Variants in FLRT1 observed in about 807,000 individuals in gnomAD.
FLRT1 encodes the protein fibronectin leucine rich transmembrane protein 1.
FLRT1 carries 14 observed loss-of-function variants against 30.9 expected under a neutral mutation model. That is an observed-to-expected ratio of 0.45 (90% CI 0.30 to 0.71). The LOEUF is 0.71. FLRT1 is among the 30% of genes least tolerant of loss of function. The probability of loss-of-function intolerance (pLI) is 0.08; values close to 1 mark genes in which losing one functional copy is unlikely to be tolerated. For synonymous variants in FLRT1, 368 were observed against 430.4 expected (o/e 0.85, Z 1.80); for missense variants, 737 against 949.2 (o/e 0.78, Z 2.94).
intron 2 of FLRT1, among the ~76,000 whole-genome samples, chr11:64,110,996 G>A (rs1253861197): frequency 1.3e-5 from 2 of 152,200 alleles, no homozygotes; most frequent in African/African-American, 4.8e-5. Flanking sequence ...AGATGGATGA[G>A]GCCCACAGAC....
intron 2 of FLRT1, among the ~76,000 whole-genome samples, chr11:64,105,376 A>T (rs1944743048): frequency 6.6e-6 from 1 of 152,202 alleles, no homozygotes; most frequent in South Asian, 2.1e-4. Flanking sequence ...GGCTCTGTGC[A>T]AAGGGAGGCA....
intron 2 of FLRT1, among the ~76,000 whole-genome samples, chr11:64,113,708 C>T (rs1298199519): frequency 7.6e-6 from 1 of 130,888 alleles, no homozygotes; most frequent in African/African-American, 3.0e-5. Context: ...GATGGACGGA[C>T]AGGTGGATGC....
intron 1 of FLRT1, among the ~76,000 whole-genome samples, chr11:64,056,049 G>A (rs1565212106): frequency 6.6e-6 from 1 of 152,226 alleles, no homozygotes; most frequent in Non-Finnish European, 1.5e-5. Flanking sequence ...CTCCCTGTGG[G>A]CCAGGGTTGG....
intron 1 of FLRT1, among the ~76,000 whole-genome samples, chr11:64,048,857 T>C (rs1269463494): frequency 6.6e-6 from 1 of 152,172 alleles, no homozygotes; most frequent in Non-Finnish European, 1.5e-5. Flanking sequence ...ACCAGGGCCA[T>C]CCCATGGTGC....
At chr11:64,056,519 G>A (rs1565212308) in intron 1 of FLRT1, among the ~76,000 whole-genome samples, 1 of 152,246 alleles carries the variant, frequency 6.6e-6, no homozygotes, top group Non-Finnish European at 1.5e-5. Flanking sequence ...GACGGAGCCT[G>A]GGTCTCCATC....
Position 64,117,395 on chromosome 11 carries a change from C to A in FLRT1, c.1128C>A (p.Asp376Glu), listed in dbSNP as rs267603093. Residue 376 changes from aspartate to glutamate, a missense_variant, in exon 3 of 3, where the codon GAC becomes GAA. Physicochemically the swap from Asp to Glu is conservative, Grantham distance 45. Coordinates refer to ENST00000682287, the MANE Select transcript of FLRT1 (RefSeq NM_013280.5). ...MAIKDITSEM[D>E]ECFETGPQGG... ...TCAAGGACATTACCAGCGAGATGGACGAGTGTTTTGAGACGGGGCCGCAGG... is the reference window on the plus strand; with the variant it reads ...TCAAGGACATTACCAGCGAGATGGAAGAGTGTTTTGAGACGGGGCCGCAGG... 6.2e-7 allele frequency: 1 copy of A among 1,612,078 alleles called. No homozygotes were observed. The highest frequency in any genetic ancestry group is 8.5e-7 in the Non-Finnish European group (1 of 1,178,398).
At chr11:64,092,233 GTCTT>G (rs1301280790) in intron 1 of FLRT1, among the ~76,000 whole-genome samples, 1 of 152,218 alleles carries the variant, frequency 6.6e-6, no homozygotes, top group Non-Finnish European at 1.5e-5. Flanking sequence ...CCCTGTTCTT[GTCTT>G]TCTGTCTGCC....
rs373211331 is a variant in FLRT1 at position 64,117,234 on chromosome 11, C to G, written c.967C>G (p.Leu323Val). Residue 323 changes from leucine to valine, a missense_variant, in exon 3 of 3, where the codon CTG becomes GTG. Physicochemically the swap from Leu to Val is conservative, Grantham distance 32. Coordinates refer to ENST00000682287, the MANE Select transcript of FLRT1 (RefSeq NM_013280.5). ...LFDDLGNLAQ[L>V]LLRNNPWFCG... ...CGACGACCTGGGGAACCTGGCCCAGCTGCTGCTCAGGAACAACCCTTGGTT... is the reference window on the plus strand; with the variant it reads ...CGACGACCTGGGGAACCTGGCCCAGGTGCTGCTCAGGAACAACCCTTGGTT... The G allele has an allele frequency of 4.3e-6, 7 of 1,614,092 alleles. No homozygotes were observed. The highest frequency in any genetic ancestry group is 4.0e-5 in the African/African-American group (3 of 74,954).
chr11:64,108,758 A>C (rs1944808505), intron 2 of FLRT1, among the ~76,000 whole-genome samples: 1 of 152,232 alleles, frequency 6.6e-6, no homozygotes, highest in Non-Finnish European at 1.5e-5. Flanking sequence ...TAGGGGAGAC[A>C]CATGAATTAT....
At position 64,049,370 on chromosome 11, in the gene FLRT1, G is replaced by A. The variant is rs190133277; in HGVS notation, c.-1038+13211G>A. ...CTGTGCTGTTCACAGCGGTGCCCAC[G>A]GCCAGTCCTGGGCAGGGAGGTCAGC... On this transcript the variant is annotated intron_variant, in intron 1 of 2. Coordinates refer to ENST00000682287, the MANE Select transcript of FLRT1 (RefSeq NM_013280.5). Among the ~76,000 whole-genome samples the A allele has an allele frequency of 2.6e-3, 402 of 152,294 alleles. 5 individuals are homozygous for A. Among genetic ancestry groups the A allele is most frequent in the Non-Finnish European group, 9.1e-4 (62 of 68,004 alleles).
Position 64,067,923 on chromosome 11 carries a change from G to A in FLRT1, c.-1038+31764G>A, listed in dbSNP as rs1004846835. 6.6e-5 allele frequency among the ~76,000 whole-genome samples: 10 copies of A among 152,072 alleles called. No individual in the cohort carries two copies. The highest frequency in any genetic ancestry group is 8.8e-5 in the Non-Finnish European group (6 of 68,012). ...GCTCGGCTTTTAGGAGGGGGCTGGC[G>A]GTGAACCCATCCCCGTTACAATGCA... On this transcript the variant is annotated intron_variant, in intron 1 of 2. Coordinates refer to ENST00000682287, the MANE Select transcript of FLRT1 (RefSeq NM_013280.5). This position sits in a 1 kb window ranked among gnomAD's most constrained non-coding sequence, Gnocchi z 4.6.
At position 64,051,479 on chromosome 11, in the gene FLRT1, G is replaced by A. The variant is rs1034521960; in HGVS notation, c.-1038+15320G>A. ...TGATTGAGTCTCATTGTTGTGGGGC[G>A]GGGGCACCCTCTCGGAAGCCTCGCT... On this transcript the variant is annotated intron_variant, in intron 1 of 2. Coordinates refer to ENST00000682287, the MANE Select transcript of FLRT1 (RefSeq NM_013280.5). 2.6e-5 allele frequency among the ~76,000 whole-genome samples: 4 copies of A among 152,310 alleles called. No homozygotes were observed. The South Asian group carries it at 6.2e-4, about 24-fold the overall frequency.
intron 1 of FLRT1, among the ~76,000 whole-genome samples, chr11:64,076,627 C>T (rs777625015): frequency 1.3e-5 from 2 of 152,160 alleles, no homozygotes; most frequent in Non-Finnish European, 2.9e-5. Flanking sequence ...TCTCCATTTT[C>T]CAGAGGAGGA....
chr11:64,077,670 C>T (rs1255791782), intron 1 of FLRT1, among the ~76,000 whole-genome samples: 2 of 152,202 alleles, frequency 1.3e-5, no homozygotes, highest in Non-Finnish European at 2.9e-5. Context: ...CACACCCCCA[C>T]CTGCCGTGCC....
intron 1 of FLRT1, among the ~76,000 whole-genome samples, chr11:64,065,010 G>A (rs1168792789): frequency 6.6e-6 from 1 of 152,202 alleles, no homozygotes; most frequent in Non-Finnish European, 1.5e-5. Flanking sequence ...CAAGCCAGAG[G>A]CGGGCAATGC....
intron 1 of FLRT1, among the ~76,000 whole-genome samples, chr11:64,095,484 C>G (rs965407149): frequency 6.6e-6 from 1 of 152,204 alleles, no homozygotes; most frequent in Non-Finnish European, 1.5e-5. Flanking sequence ...CAGGCTCTTG[C>G]TGGTGCAGGG....
At chr11:64,072,107 C>A (rs1264322675) in intron 1 of FLRT1, among the ~76,000 whole-genome samples, 1 of 152,236 alleles carries the variant, frequency 6.6e-6, no homozygotes, top group Non-Finnish European at 1.5e-5. Flanking sequence ...GAACTCATAA[C>A]CGCTGGGGCC....
At chr11:64,099,061 G>A (rs1944626834) in intron 1 of FLRT1, among the ~76,000 whole-genome samples, 1 of 152,232 alleles carries the variant, frequency 6.6e-6, no homozygotes, top group African/African-American at 2.4e-5. Flanking sequence ...GAGTGCCAAG[G>A]GTGGGCAGTG....
At chr11:64,074,866 G>C (rs960454713) in intron 1 of FLRT1, among the ~76,000 whole-genome samples, 13 of 152,210 alleles carry the variant, frequency 8.5e-5, no homozygotes, top group African/African-American at 3.1e-4. Context: ...CTCACTCCAG[G>C]ATCCTGAACA....
Sources: allele counts gnomAD v4.1 joint callset (sites outside exome capture counted in the v4.1 genomes callset), GRCh38; gene constraint gnomAD v4.1.1; non-coding constraint Gnocchi (gnomAD v3.1); transcripts MANE v1.5; gene names NCBI Gene and HGNC (gene_info 2026-07-23, HGNC 2026-07-21).